PIBF1: variants seen among roughly 807,000 people sequenced by gnomAD.
PIBF1 encodes the protein progesterone immunomodulatory binding factor 1, also known as progesterone-induced-blocking factor 1.
A neutral mutation model predicts 112.5 loss-of-function variants in PIBF1; 90 were observed. The ratio of observed to expected loss-of-function variants is 0.80; its 90% confidence interval spans 0.67 to 0.95. The LOEUF (loss-of-function observed/expected upper bound fraction) is 0.95, where lower values mean the gene tolerates loss of function less well. PIBF1 is among the 40% of genes least tolerant of loss of function. PIBF1 has a pLI of 0.00. For synonymous variants in PIBF1, 301 were observed against 288.6 expected, an observed-to-expected ratio of 1.04 and a Z score of -0.44; for missense variants, 915 against 852.3, an observed-to-expected ratio of 1.07 and a Z score of -0.92.
At chr13:72,939,139 G>A (rs2041946868) in intron 14 of PIBF1, among the ~76,000 whole-genome samples, 1 of 152,092 alleles carries the variant, frequency 6.6e-6, no homozygotes, top group Non-Finnish European at 1.5e-5. Context: ...ACTTGTTAGT[G>A]TCCTTCAAGG....
chr13:72,961,627 A>T (rs1406972672), intron 14 of PIBF1, among the ~76,000 whole-genome samples: 2 of 152,156 alleles, frequency 1.3e-5, no homozygotes, highest in Non-Finnish European at 1.5e-5. Flanking sequence ...GAATTCTGTC[A>T]TTTTGTTTTG....
intron 14 of PIBF1, among the ~76,000 whole-genome samples, chr13:72,934,843 C>CAT (rs2041817055): frequency 6.6e-6 from 1 of 152,114 alleles, no homozygotes; most frequent in South Asian, 2.1e-4. Context: ...GTAATAAACA[C>CAT]ATATATCTCC....
At chr13:72,830,635 T>C (rs1329117857) in intron 8 of PIBF1, among the ~76,000 whole-genome samples, 1 of 152,178 alleles carries the variant, frequency 6.6e-6, no homozygotes, top group Non-Finnish European at 1.5e-5. Flanking sequence ...AACTTGATCA[T>C]GGTGGATAAG....
At chr13:72,950,212 G>A (rs971615128) in intron 14 of PIBF1, among the ~76,000 whole-genome samples, 1 of 152,122 alleles carries the variant, frequency 6.6e-6, no homozygotes. Context: ...ATTCTAGTCT[G>A]TACTCTATTC....
At chr13:72,879,702 A>G (rs1464594387) in intron 10 of PIBF1, among the ~76,000 whole-genome samples, 1 of 152,220 alleles carries the variant, frequency 6.6e-6, no homozygotes, top group Non-Finnish European at 1.5e-5. Flanking sequence ...GAGGTCGACA[A>G]ACTATGGCCG....
intron 16 of PIBF1, among the ~76,000 whole-genome samples, chr13:72,994,116 A>G (rs558596560): frequency 2.3e-5 from 1 of 43,932 alleles, no homozygotes; most frequent in Admixed American, 2.7e-4. Context: ...CTGTCTCAAA[A>G]AAAAAAGAAA....
chr13:72,852,786 A>G (rs1258254932), intron 9 of PIBF1, among the ~76,000 whole-genome samples: 1 of 152,232 alleles, frequency 6.6e-6, no homozygotes, highest in African/African-American at 2.4e-5. Context: ...TTCTGTATGA[A>G]TAATAAAAAA....
chr13:72,952,426 TAAATTATTTGTCTAGTATTTC>T (rs1166966632), intron 14 of PIBF1, among the ~76,000 whole-genome samples: 69 of 152,200 alleles, frequency 4.5e-4, no homozygotes, highest in African/African-American at 1.6e-3. Flanking sequence ...GTCAGCCTTT[TAAATTATTTGTCTAGTATTTC>T]AAATTATTTA....
At chr13:72,895,351 CA>C (rs1331757682) in intron 11 of PIBF1, among the ~76,000 whole-genome samples, 1 of 148,458 alleles carries the variant, frequency 6.7e-6, no homozygotes, top group East Asian at 2.0e-4. Context: ...ATATTAAAGG[CA>C]AAATAGAAAC....
intron 12 of PIBF1, among the ~76,000 whole-genome samples, chr13:72,915,398 G>A (rs1468969303): frequency 6.6e-6 from 1 of 152,164 alleles, no homozygotes; most frequent in African/African-American, 2.4e-5. Flanking sequence ...CCCTTTAGTA[G>A]CATTGACCAA....
intron 9 of PIBF1, among the ~76,000 whole-genome samples, chr13:72,841,217 C>A (rs1052785344): frequency 6.6e-6 from 1 of 152,030 alleles, no homozygotes; most frequent in African/African-American, 2.4e-5. Context: ...CTTAAAATTC[C>A]ACTTTGGAGC....
chr13:72,958,227 A>G (rs2042502816), intron 14 of PIBF1, among the ~76,000 whole-genome samples: 1 of 149,492 alleles, frequency 6.7e-6, no homozygotes. Context: ...AAGTCCAGAA[A>G]TCTGGATTTT....
At chr13:72,878,558 G>A (rs965454033) in intron 10 of PIBF1, among the ~76,000 whole-genome samples, 4 of 152,150 alleles carry the variant, frequency 2.6e-5, no homozygotes, top group Non-Finnish European at 5.9e-5. Context: ...CTGGGATGCA[G>A]TCTGTCTTCT....
In PIBF1 at chr13:72,797,988, T is replaced by C. The variant is rs759002461; in HGVS notation, c.634T>C (p.Leu212=). 1.2e-6 allele frequency: 2 copies of C among 1,607,918 alleles called. No homozygotes were observed. Among genetic ancestry groups the C allele is most frequent in the East Asian group, 2.2e-5 (1 of 44,586 alleles). Residue 212 remains leucine, a synonymous_variant, in exon 5 of 18, where the codon TTA becomes CTA. Coordinates refer to ENST00000326291, the MANE Select transcript of PIBF1 (RefSeq NM_006346.4). ...QVKKNILAEE[L]STNKNQLKQL... is the part of the protein sequence containing the mutation. ...GAAAAAGAATATCCTAGCAGAAGAA[T>C]TAAGTACAAACAAAAACCAACTGAA...
chr13:72,965,180 G>A (rs2042707465), intron 14 of PIBF1, 94 bp from the exon 15 acceptor site: 3 of 1,123,026 alleles, frequency 2.7e-6, no homozygotes, highest in African/African-American at 1.6e-5. Context: ...TCATGTCAAA[G>A]GAATTTCTGT....
intron 13 of PIBF1, among the ~76,000 whole-genome samples, chr13:72,925,523 T>A (rs946277258): frequency 1.9e-4 from 29 of 151,226 alleles, no homozygotes; most frequent in Admixed American, 1.1e-3. Flanking sequence ...ACTGTTTTTT[T>A]CCTTTTTTCT....
At chr13:72,799,748 G>A (rs183830330) in intron 5 of PIBF1, among the ~76,000 whole-genome samples, 91 of 152,266 alleles carry the variant, frequency 6.0e-4, no homozygotes, top group African/African-American at 2.0e-3. Context: ...AGGTCTTAGC[G>A]TTGGTTCTAT....
intron 11 of PIBF1, among the ~76,000 whole-genome samples, chr13:72,898,180 C>T (rs1176223685): frequency 6.6e-6 from 1 of 152,068 alleles, no homozygotes; most frequent in East Asian, 1.9e-4. Context: ...CACACAAATA[C>T]ATGGAAGTTA....
intron 14 of PIBF1, among the ~76,000 whole-genome samples, chr13:72,939,127 C>G (rs1248181483): frequency 6.6e-6 from 1 of 152,150 alleles, no homozygotes; most frequent in Non-Finnish European, 1.5e-5. Flanking sequence ...TGTCTTTCCT[C>G]CACTTGTTAG....
Sources: gnomAD v4.1 joint callset for allele counts (sites outside exome capture counted in the v4.1 genomes callset) on GRCh38, gnomAD v4.1.1 for gene constraint, MANE v1.5 for transcripts, NCBI Gene and HGNC (gene_info 2026-07-23, HGNC 2026-07-21) for gene names.